The following PCDHA4 variants were observed in gnomAD, a reference collection of about 807,000 sequenced individuals.
PCDHA4 encodes the protein protocadherin alpha 4.
A neutral mutation model predicts 61.4 loss-of-function variants in PCDHA4; 49 were observed. The ratio of observed to expected loss-of-function variants is 0.80; its 90% CI spans 0.63 to 1.01. PCDHA4 has a LOEUF of 1.01. Among genes scored for constraint, PCDHA4 ranks in the 50% least tolerant of loss-of-function variants. The pLI is 0.00. For missense variants in PCDHA4, 1,254 were observed against 1,235.8 expected (o/e 1.01, Z -0.22); for synonymous variants, 590 against 550.3 (o/e 1.07, Z -1.01).
At chr5:140,901,761 A>G (rs1276192436) in intron 1 of PCDHA4, among the ~76,000 whole-genome samples, 1 of 152,124 alleles carries the variant, frequency 6.6e-6, no homozygotes, top group African/African-American at 2.4e-5. Flanking sequence ...TTTGACAGGG[A>G]TTGCATTGAA....
chr5:140,883,702 T>C (rs367854871), intron 1 of PCDHA4: 80 of 1,613,632 alleles, frequency 5.0e-5, no homozygotes, highest in South Asian at 6.6e-5. Context: ...TCACGGTGTC[T>C]GCTCAGGACG....
At chr5:140,937,326 C>G (rs1287239556) in intron 1 of PCDHA4, among the ~76,000 whole-genome samples, 2 of 152,046 alleles carry the variant, frequency 1.3e-5, no homozygotes, top group Non-Finnish European at 2.9e-5. Flanking sequence ...CGTGAGCCAC[C>G]GCGCCCGGCT....
intron 1 of PCDHA4, chr5:140,870,192 G>C: frequency 1.9e-6 from 3 of 1,614,158 alleles, no homozygotes; most frequent in Non-Finnish European, 2.5e-6. Context: ...AGGACGCTCA[G>C]CCCAGCACGG....
intron 1 of PCDHA4, chr5:140,882,902 C>T (rs1554176043): frequency 6.2e-7 from 1 of 1,614,196 alleles, no homozygotes; most frequent in Admixed American, 1.7e-5. Flanking sequence ...TAGTTTATTA[C>T]TGACAGCCAG....
intron 1 of PCDHA4, among the ~76,000 whole-genome samples, chr5:140,873,200 T>C (rs1462660228): frequency 6.6e-6 from 1 of 152,228 alleles, no homozygotes; most frequent in Non-Finnish European, 1.5e-5. Context: ...GCTAAAAACA[T>C]TCTTTAAGTA....
At position 140,807,068 on chromosome 5, in the gene PCDHA4, A is replaced by G; in HGVS notation, c.-120A>G. On this transcript the variant is annotated 5_prime_UTR_variant, in exon 1 of 4. Coordinates refer to ENST00000530339, the MANE Select transcript of PCDHA4 (RefSeq NM_018907.4). ...CCTTCTATTCTTACTGGAAGGAACC[A>G]TATACACTCTTTGGAGTCTGAAATA... 1.7e-6 allele frequency: 2 copies of G among 1,162,074 alleles called. No homozygotes were observed. Among genetic ancestry groups the G allele is most frequent in the African/African-American group, 1.5e-5 (1 of 65,282 alleles). 72.0% of individuals were successfully genotyped at this position (1,162,074 alleles called of 1,614,324 possible). A position where few individuals can be genotyped will look rare whatever the true frequency, so the allele number is the denominator to read the frequency against.
In PCDHA4 at chr5:140,808,602, G is replaced by GC. The variant is rs782337586; in HGVS notation, c.1417dup (p.His473ProfsTer128). The GC allele has an allele frequency of 1.9e-5, 30 of 1,613,888 alleles. No homozygotes were observed. The highest frequency in any genetic ancestry group is 2.3e-5 in the Non-Finnish European group (27 of 1,179,956). ...GTGAAGGAGAACAACCCGCCGGGCT[G>GC]CCACATCTTCACTGTGTCTGCGTGG... On this transcript the variant is annotated frameshift_variant, in exon 1 of 4. Transcript: ENST00000530339. LOFTEE classifies it high-confidence loss of function.
intron 1 of PCDHA4, among the ~76,000 whole-genome samples, chr5:140,972,527 C>A (rs1173109086): frequency 6.6e-6 from 1 of 152,092 alleles, no homozygotes; most frequent in Non-Finnish European, 1.5e-5. Flanking sequence ...GAGCTTATTT[C>A]ATAAATCACT....
chr5:140,935,172 A>G (rs1278781509), intron 1 of PCDHA4, among the ~76,000 whole-genome samples: 34 of 152,164 alleles, frequency 2.2e-4, no homozygotes, highest in Admixed American at 2.1e-3. Context: ...AGGTGTGCTT[A>G]TTGCTGCTGG....
intron 3 of PCDHA4, among the ~76,000 whole-genome samples, chr5:141,007,992 C>T (rs1215200964): frequency 1.3e-5 from 2 of 152,132 alleles, no homozygotes; most frequent in Admixed American, 6.5e-5. Context: ...ATGAAATGTA[C>T]ATGTTAATAA....
chr5:140,842,746 C>G (rs2150343486), intron 1 of PCDHA4: 2 of 1,595,086 alleles, frequency 1.3e-6, no homozygotes, highest in Non-Finnish European at 1.7e-6. Context: ...GCCACATCTT[C>G]ACGGTGTCTG....
At chr5:140,848,385 C>G (rs2150409736) in intron 1 of PCDHA4, 28 of 1,211,136 alleles carry the variant, frequency 2.3e-5, no homozygotes, top group Non-Finnish European at 2.9e-5. Flanking sequence ...CTTTTTCACT[C>G]TCTCTGTGCT....
intron 1 of PCDHA4, chr5:140,830,139 C>G (rs2150181764): frequency 1.2e-6 from 2 of 1,613,260 alleles, no homozygotes; most frequent in Non-Finnish European, 1.7e-6. Flanking sequence ...TCACGGGCGT[C>G]GGTGGGCGCC....
At chr5:140,876,637 C>G (rs1554168755) in intron 1 of PCDHA4, 1 of 1,614,088 alleles carries the variant, frequency 6.2e-7, no homozygotes, top group Non-Finnish European at 8.5e-7. Flanking sequence ...CATCTGCTCA[C>G]TGACACCTCA....
At chr5:140,854,210 T>C in intron 1 of PCDHA4, 2 of 643,974 alleles carry the variant, frequency 3.1e-6, no homozygotes, top group Non-Finnish European at 3.8e-6. Context: ...TTTTATTCAA[T>C]ATTGGACATC....
intron 1 of PCDHA4, among the ~76,000 whole-genome samples, chr5:140,959,893 T>A (rs782431808): frequency 6.6e-6 from 1 of 152,194 alleles, no homozygotes; most frequent in Non-Finnish European, 1.5e-5. Flanking sequence ...CGAGTGGGAT[T>A]TATATCAGAA....
At chr5:140,904,113 G>C (rs1051705657) in intron 1 of PCDHA4, among the ~76,000 whole-genome samples, 4 of 152,248 alleles carry the variant, frequency 2.6e-5, no homozygotes, top group African/African-American at 9.6e-5. Context: ...TCATTGCTGA[G>C]ATTTTGGTGC....
chr5:140,922,643 C>T (rs1554200906), intron 1 of PCDHA4, among the ~76,000 whole-genome samples: 3 of 152,192 alleles, frequency 2.0e-5, no homozygotes, highest in African/African-American at 7.2e-5. Flanking sequence ...CTCCATCAAA[C>T]AGTAAATATG....
At chr5:140,870,424 T>C (rs782689834) in intron 1 of PCDHA4, 6 of 1,614,156 alleles carry the variant, frequency 3.7e-6, no homozygotes, top group Non-Finnish European at 5.1e-6. Flanking sequence ...GGCCAGGGTA[T>C]CCGTGGAGGT....
Sources: allele counts gnomAD v4.1 joint callset (sites outside exome capture counted in the v4.1 genomes callset), GRCh38; gene constraint gnomAD v4.1.1; transcripts MANE v1.5; gene names NCBI Gene and HGNC (gene_info 2026-07-23, HGNC 2026-07-21).